Variants in SLC35F1 observed in about 807,000 individuals in gnomAD.
The protein encoded by SLC35F1 is solute carrier family 35 member F1.
SLC35F1 carries 14 observed loss-of-function variants against 48.7 expected under a neutral mutation model. The observed-to-expected ratio is 0.29, with a 90% confidence interval of 0.19 to 0.45. The LOEUF (loss-of-function observed/expected upper bound fraction) is 0.45. SLC35F1 is among the 20% of genes least tolerant of loss of function. The probability of loss-of-function intolerance (pLI) is 1.00; values close to 1 mark genes in which losing one functional copy is unlikely to be tolerated. For synonymous variants in SLC35F1, 190 were observed against 202.2 expected (o/e 0.94, Z 0.51); for missense variants, 404 against 500.0 (o/e 0.81, Z 1.83).
chr6:118,220,753 A>G (rs1775135878), intron 2 of SLC35F1, among the ~76,000 whole-genome samples: 1 of 152,216 alleles, frequency 6.6e-6, no homozygotes, highest in African/African-American at 2.4e-5. Flanking sequence ...GAATGGCAGA[A>G]ATCTGATGTA....
chr6:118,199,539 G>A (rs867033362), intron 2 of SLC35F1, among the ~76,000 whole-genome samples: 7 of 152,114 alleles, frequency 4.6e-5, no homozygotes, highest in Non-Finnish European at 1.0e-4. Flanking sequence ...ATATGTTAAA[G>A]TTTTCTTTAT....
At chr6:118,062,923 G>A (rs576966345) in intron 1 of SLC35F1, among the ~76,000 whole-genome samples, 1 of 152,030 alleles carries the variant, frequency 6.6e-6, no homozygotes, top group Non-Finnish European at 1.5e-5. Context: ...ATTTTTTAGG[G>A]GGTGAGTAAT....
chr6:118,244,200 A>G (rs1775477189), intron 3 of SLC35F1, among the ~76,000 whole-genome samples: 1 of 152,230 alleles, frequency 6.6e-6, no homozygotes, highest in Non-Finnish European at 1.5e-5. Flanking sequence ...CTTTAAATGC[A>G]TTCTCCATGA....
rs1464851197 is a variant in SLC35F1, at chr6:117,940,654, TG to T, written c.173+32756del. Among the ~76,000 whole-genome samples the T allele has an allele frequency of 2.0e-5, 3 of 151,230 alleles. No individual in the cohort carries two copies. The East Asian group carries it at 5.8e-4, about 29-fold the overall frequency. On this transcript the variant is annotated intron_variant, in intron 1 of 7. Transcript: ENST00000360388. ...CTTTTTTTTCTCCTTTCTTTTTTTTTGTGTGTGTGTGTGTGACAGGGTCTTA... is the reference window on the plus strand; with the variant it reads ...CTTTTTTTTCTCCTTTCTTTTTTTTTTGTGTGTGTGTGTGACAGGGTCTTA...
chr6:118,243,065 G>C (rs1368007840), intron 3 of SLC35F1, among the ~76,000 whole-genome samples: 1 of 152,160 alleles, frequency 6.6e-6, no homozygotes. Context: ...ACAAATGCCA[G>C]CCTCCCTAAT....
intron 2 of SLC35F1, among the ~76,000 whole-genome samples, chr6:118,158,768 G>C (rs1042507209): frequency 6.6e-6 from 1 of 152,166 alleles, no homozygotes; most frequent in Non-Finnish European, 1.5e-5. Flanking sequence ...AAATGAATTG[G>C]AGTTGAGTTT....
At chr6:117,934,671 ATTATAT>A (rs1776142691) in intron 1 of SLC35F1, among the ~76,000 whole-genome samples, 2 of 152,352 alleles carry the variant, frequency 1.3e-5, no homozygotes, top group South Asian at 4.1e-4. Flanking sequence ...TAGACAAACC[ATTATAT>A]TTAATGGTTT....
At chr6:118,134,244 G>C (rs1320437581) in intron 1 of SLC35F1, among the ~76,000 whole-genome samples, 2 of 152,210 alleles carry the variant, frequency 1.3e-5, no homozygotes, top group Non-Finnish European at 1.5e-5. Context: ...AGAGAAGAGT[G>C]CCTTGTTGGA....
At chr6:118,041,061 T>C (rs1300262820) in intron 1 of SLC35F1, among the ~76,000 whole-genome samples, 1 of 152,168 alleles carries the variant, frequency 6.6e-6, no homozygotes, top group Non-Finnish European at 1.5e-5. Flanking sequence ...TTAAATGTTC[T>C]GTACTTTTAT....
intron 1 of SLC35F1, among the ~76,000 whole-genome samples, chr6:118,026,032 C>T (rs1012969190): frequency 3.3e-5 from 5 of 152,086 alleles, no homozygotes; most frequent in South Asian, 2.1e-4. Flanking sequence ...GTGGGAGATT[C>T]GAGGATGATT....
At chr6:118,310,029 C>A (rs1776355172) in intron 7 of SLC35F1, among the ~76,000 whole-genome samples, 1 of 152,214 alleles carries the variant, frequency 6.6e-6, no homozygotes, top group Non-Finnish European at 1.5e-5. Flanking sequence ...TAAGCAGTGT[C>A]TGCAGTATGA....
At chr6:118,269,246 A>G (rs1008944043) in intron 4 of SLC35F1, among the ~76,000 whole-genome samples, 2 of 152,240 alleles carry the variant, frequency 1.3e-5, no homozygotes, top group African/African-American at 4.8e-5. Flanking sequence ...TTTTAAAAAA[A>G]CAATGTAGAT....
At chr6:118,047,463 A>G (rs1224504847) in intron 1 of SLC35F1, among the ~76,000 whole-genome samples, 3 of 152,168 alleles carry the variant, frequency 2.0e-5, no homozygotes, top group African/African-American at 7.2e-5. Flanking sequence ...TTTAGTAGAT[A>G]TGAACTTTTT....
intron 1 of SLC35F1, among the ~76,000 whole-genome samples, chr6:117,931,323 A>G (rs1005898318): frequency 1.3e-5 from 2 of 152,246 alleles, no homozygotes; most frequent in Admixed American, 6.5e-5. Context: ...TTACAAAAAC[A>G]GATACAAACA....
chr6:117,914,132 AT>A (rs1775798567), intron 1 of SLC35F1, among the ~76,000 whole-genome samples: 1 of 146,652 alleles, frequency 6.8e-6, no homozygotes, highest in South Asian at 2.2e-4. Context: ...CTATCTATCT[AT>A]CTATCTGTCT....
At chr6:118,028,659 A>G (rs1362303934) in intron 1 of SLC35F1, among the ~76,000 whole-genome samples, 1 of 152,152 alleles carries the variant, frequency 6.6e-6, no homozygotes, top group Non-Finnish European at 1.5e-5. Flanking sequence ...CTGATGAAAT[A>G]ACACTAAATG....
chr6:118,019,639 G>C (rs1213608922), intron 1 of SLC35F1, among the ~76,000 whole-genome samples: 5 of 152,082 alleles, frequency 3.3e-5, no homozygotes, highest in African/African-American at 1.2e-4. Flanking sequence ...AAAAGAAATG[G>C]GTAGTTGAAG....
intron 3 of SLC35F1, 34 bp downstream of exon 3, chr6:118,235,670 T>C: frequency 6.2e-7 from 1 of 1,604,892 alleles, no homozygotes; most frequent in Non-Finnish European, 8.5e-7. Flanking sequence ...CTCAACTTCC[T>C]CTATCCAGAT....
chr6:118,216,550 C>A (rs993802170), intron 2 of SLC35F1, among the ~76,000 whole-genome samples: 2 of 151,452 alleles, frequency 1.3e-5, no homozygotes, highest in Non-Finnish European at 2.9e-5. Flanking sequence ...GACAGAGGAG[C>A]AAAGCCAGTC....
Sources: gnomAD v4.1 joint callset for allele counts (sites outside exome capture counted in the v4.1 genomes callset) on GRCh38, gnomAD v4.1.1 for gene constraint, MANE v1.5 for transcripts, NCBI Gene and HGNC (gene_info 2026-07-23, HGNC 2026-07-21) for gene names.